The following BTBD16 variants were observed in gnomAD, a reference collection of about 807,000 sequenced individuals.
BTBD16 encodes the protein BTB domain containing 16.
BTBD16 carries 66 observed loss-of-function variants against 67.4 expected under a neutral mutation model. The ratio of observed to expected loss-of-function variants is 0.98; its 90% confidence interval spans 0.80 to 1.20. The LOEUF (loss-of-function observed/expected upper bound fraction) is 1.20. Among genes scored for constraint, BTBD16 ranks in the 50% most tolerant of loss-of-function variants. BTBD16 has a pLI of 0.00. For missense variants in BTBD16, 634 were observed against 616.0 expected, an observed-to-expected ratio of 1.03 and a Z score of -0.31; for synonymous variants, 242 against 236.4, an observed-to-expected ratio of 1.02 and a Z score of -0.22.
chr10:122,316,909 T>C (rs550040075), intron 10 of BTBD16, among the ~76,000 whole-genome samples: 28 of 152,120 alleles, frequency 1.8e-4, no homozygotes, highest in Admixed American at 4.6e-4. Context: ...TGCCTCAGCC[T>C]CCTGAGTAGC....
chr10:122,322,885 T>A (rs575542378), intron 10 of BTBD16, among the ~76,000 whole-genome samples: 1 of 152,332 alleles, frequency 6.6e-6, no homozygotes, highest in East Asian at 1.9e-4. Flanking sequence ...TAGTATTGCA[T>A]GCCCATCTCT....
At chr10:122,288,361 C>G (rs1217802321) in intron 5 of BTBD16, among the ~76,000 whole-genome samples, 1 of 152,184 alleles carries the variant, frequency 6.6e-6, no homozygotes, top group Non-Finnish European at 1.5e-5. Flanking sequence ...AGTATTTACT[C>G]AGTGAGAGCC....
intron 9 of BTBD16, among the ~76,000 whole-genome samples, chr10:122,301,172 A>C (rs2096393149): frequency 6.6e-6 from 1 of 152,156 alleles, no homozygotes; most frequent in Non-Finnish European, 1.5e-5. Flanking sequence ...TGAGGAAAAG[A>C]TAAACATGGC....
chr10:122,328,778 G>A (rs1316761516), intron 10 of BTBD16: 1 of 985,294 alleles, frequency 1.0e-6, no homozygotes. Context: ...GAAGGGCAGG[G>A]AATGCGTGTC....
At chr10:122,302,597 T>C (rs2096396171) in intron 9 of BTBD16, among the ~76,000 whole-genome samples, 1 of 152,210 alleles carries the variant, frequency 6.6e-6, no homozygotes, top group South Asian at 2.1e-4. Flanking sequence ...GTTGCATCTG[T>C]CCCATGGCTT....
chr10:122,303,547 C>A (rs372217664), intron 9 of BTBD16: 1 of 176,296 alleles, frequency 5.7e-6, no homozygotes, highest in Non-Finnish European at 1.1e-5. Context: ...CTGTGACAAG[C>A]GATGGAGCAG....
intron 5 of BTBD16, 77 bp downstream of exon 5, chr10:122,286,325 C>T (rs1197255913): frequency 8.6e-6 from 13 of 1,516,210 alleles, no homozygotes; most frequent in Non-Finnish European, 9.7e-6. Context: ...ACATGGTTAT[C>T]TGTTTTGAGA....
At chr10:122,334,442 G>A (rs1314823938) in intron 13 of BTBD16, among the ~76,000 whole-genome samples, 6 of 141,572 alleles carry the variant, frequency 4.2e-5, no homozygotes, top group African/African-American at 8.0e-5. Context: ...TGATCGGCCC[G>A]CCTCAGCCTC....
rs113884181 is a variant in BTBD16 at position 122,276,104 on chromosome 10, C to A, written c.19-687C>A. On this transcript the variant is annotated intron_variant, in intron 2 of 15. Transcript: ENST00000260723. ...GAAAGATGCCATCCACAAAAGGCCA[C>A]ATATTGTGTGATTCCACTTGTATGC... 7.9e-5 allele frequency among the ~76,000 whole-genome samples: 12 copies of A among 152,304 alleles called. 2 individuals carry two copies. The highest frequency in any genetic ancestry group is 3.9e-4 in the East Asian group (2 of 5,190).
chr10:122,318,184 CGTT>C (rs1463446270), intron 10 of BTBD16, among the ~76,000 whole-genome samples: 1 of 152,052 alleles, frequency 6.6e-6, no homozygotes, highest in Non-Finnish European at 1.5e-5. Context: ...TAGACTGAAA[CGTT>C]GTTAAGTGGT....
intron 10 of BTBD16, among the ~76,000 whole-genome samples, chr10:122,320,190 G>T (rs2096433043): frequency 6.6e-6 from 1 of 151,868 alleles, no homozygotes; most frequent in African/African-American, 2.4e-5. Flanking sequence ...GCCTGTTTTT[G>T]TTCTTGCCTT....
At chr10:122,309,339 G>GGTTTTT (rs2096409319) in intron 10 of BTBD16, among the ~76,000 whole-genome samples, 2 of 149,504 alleles carry the variant, frequency 1.3e-5, no homozygotes, top group Middle Eastern at 3.4e-3. Flanking sequence ...TTTGTTTTTT[G>GGTTTTT]GTTTTTGTTT....
chr10:122,301,326 G>A (rs2096393522), intron 9 of BTBD16, among the ~76,000 whole-genome samples: 1 of 152,130 alleles, frequency 6.6e-6, no homozygotes, highest in South Asian at 2.1e-4. Context: ...AACGTATGCT[G>A]GGCAGAAAAA....
intron 9 of BTBD16, chr10:122,303,695 C>T (rs1329507166): frequency 2.3e-6 from 2 of 882,960 alleles, no homozygotes. Flanking sequence ...GCATTTTTTT[C>T]CCCTAAAGAA....
At chr10:122,309,347 T>G (rs2096409352) in intron 10 of BTBD16, among the ~76,000 whole-genome samples, 1 of 146,972 alleles carries the variant, frequency 6.8e-6, no homozygotes. Flanking sequence ...TTGGTTTTTG[T>G]TTTTGTTTTT....
intron 10 of BTBD16, among the ~76,000 whole-genome samples, chr10:122,312,835 C>T (rs920871679): frequency 1.5e-4 from 23 of 152,104 alleles, no homozygotes; most frequent in Admixed American, 1.3e-4. Context: ...ATATGAATTC[C>T]AAATACCTTC....
intron 13 of BTBD16, among the ~76,000 whole-genome samples, chr10:122,334,229 T>C (rs1371476419): frequency 6.7e-6 from 1 of 149,978 alleles, no homozygotes. Flanking sequence ...GGAGTCTTGC[T>C]CTGTCACCCA....
chr10:122,275,249 C>T, intron 2 of BTBD16, 150 bp downstream of exon 2: 1 of 752,292 alleles, frequency 1.3e-6, no homozygotes, highest in Non-Finnish European at 2.3e-6. Flanking sequence ...CGCGTCCAGG[C>T]AGCACCGTCC....
intron 10 of BTBD16, among the ~76,000 whole-genome samples, chr10:122,313,518 C>T (rs905139711): frequency 7.2e-5 from 11 of 152,032 alleles, no homozygotes; most frequent in African/African-American, 2.2e-4. Flanking sequence ...CCGCCTCGGC[C>T]TCCCAAAGTG....
Sources: gnomAD v4.1 joint callset for allele counts (sites outside exome capture counted in the v4.1 genomes callset) on GRCh38, gnomAD v4.1.1 for gene constraint, MANE v1.5 for transcripts, NCBI Gene and HGNC (gene_info 2026-07-23, HGNC 2026-07-21) for gene names.